Variants in NYAP2 observed in about 807,000 individuals in gnomAD.
NYAP2 encodes neuronal tyrosine-phosphorylated phosphoinositide-3-kinase adapter 2.
Under a neutral mutation model 50.4 loss-of-function variants are expected in NYAP2, and 23 were observed. The ratio of observed to expected loss-of-function variants is 0.46; its 90% confidence interval spans 0.33 to 0.65. The LOEUF is 0.65. Among genes scored for constraint, NYAP2 ranks in the 30% least tolerant of loss-of-function variants. The pLI, the probability that NYAP2 is intolerant of heterozygous loss-of-function variation, is 0.02. For missense variants in NYAP2, 885 were observed against 861.0 expected, an observed-to-expected ratio of 1.03 and a Z score of -0.35; for synonymous variants, 394 against 365.2, an observed-to-expected ratio of 1.08 and a Z score of -0.90.
intron 3 of NYAP2, among the ~76,000 whole-genome samples, chr2:225,500,818 A>T (rs1690591583): frequency 6.6e-6 from 1 of 152,170 alleles, no homozygotes. Flanking sequence ...GGTTTCAAGA[A>T]AACTCATTTT....
intron 6 of NYAP2, among the ~76,000 whole-genome samples, chr2:225,644,920 G>T (rs1298414106): frequency 1.3e-5 from 2 of 152,132 alleles, no homozygotes; most frequent in Non-Finnish European, 2.9e-5. Context: ...ACTTGGTGAT[G>T]CAGGCTCTTT....
intron 5 of NYAP2, among the ~76,000 whole-genome samples, chr2:225,622,507 TTTCTTTCTTTC>T (rs1453035515): frequency 1.2e-3 from 31 of 26,426 alleles, no homozygotes; most frequent in Admixed American, 2.6e-3. Flanking sequence ...ATTTCTTTTC[TTTCTTTCTTTC>T]TTCTTTCTTT....
chr2:225,474,356 G>T (rs1690064920), intron 3 of NYAP2, among the ~76,000 whole-genome samples: 1 of 152,142 alleles, frequency 6.6e-6, no homozygotes, highest in Admixed American at 6.5e-5. Context: ...GAAAGTCATT[G>T]GTAGCTTGAT....
chr2:225,585,309 A>G (rs1287509117), intron 5 of NYAP2, among the ~76,000 whole-genome samples: 3 of 152,212 alleles, frequency 2.0e-5, no homozygotes, highest in South Asian at 2.1e-4. Context: ...CTCCCTACCT[A>G]TCAGCTTCTT....
chr2:225,617,757 T>C (rs192751568), intron 5 of NYAP2, among the ~76,000 whole-genome samples: 1 of 152,334 alleles, frequency 6.6e-6, no homozygotes, highest in Admixed American at 6.5e-5. Context: ...GTTCTCCAGT[T>C]ATTGAGGGCT....
chr2:225,506,277 A>G (rs1690703334), intron 3 of NYAP2, among the ~76,000 whole-genome samples: 1 of 152,180 alleles, frequency 6.6e-6, no homozygotes, highest in Admixed American at 6.5e-5. Context: ...GCCTGCTTTC[A>G]TGAATCTGGG....
At chr2:225,451,185 A>C (rs765088104) in intron 3 of NYAP2, among the ~76,000 whole-genome samples, 1 of 152,184 alleles carries the variant, frequency 6.6e-6, no homozygotes, top group Non-Finnish European at 1.5e-5. Flanking sequence ...CAAAATGAGG[A>C]AAACTTGGAG....
intron 3 of NYAP2, among the ~76,000 whole-genome samples, chr2:225,418,918 C>T (rs1331838753): frequency 1.3e-5 from 2 of 152,056 alleles, no homozygotes; most frequent in Non-Finnish European, 2.9e-5. Flanking sequence ...GATCTATTCT[C>T]CTAACAAATT....
chr2:225,676,707 G>T, the NYAP2 span, among the ~76,000 whole-genome samples: 2 of 152,144 alleles, frequency 1.3e-5, no homozygotes, highest in African/African-American at 4.8e-5. Flanking sequence ...TCTCCCACCA[G>T]ATCCCTCTCA....
chr2:225,494,017 T>C (rs989741696), intron 3 of NYAP2, among the ~76,000 whole-genome samples: 2 of 152,210 alleles, frequency 1.3e-5, no homozygotes, highest in African/African-American at 4.8e-5. Context: ...ATTACCTCTT[T>C]TATCTTGCCT....
chr2:225,671,354 G>A, the NYAP2 span, among the ~76,000 whole-genome samples: 2 of 151,804 alleles, frequency 1.3e-5, no homozygotes, highest in Non-Finnish European at 2.9e-5. Context: ...CTTTACCAGG[G>A]GTGCATTTCA....
intron 3 of NYAP2, among the ~76,000 whole-genome samples, chr2:225,411,861 G>T (rs951289184): frequency 6.6e-6 from 1 of 151,696 alleles, no homozygotes; most frequent in African/African-American, 2.4e-5. Context: ...TCACTGAAGG[G>T]CTGGGAACAA....
At chr2:225,501,270 A>G (rs1043404926) in intron 3 of NYAP2, among the ~76,000 whole-genome samples, 1 of 152,224 alleles carries the variant, frequency 6.6e-6, no homozygotes, top group South Asian at 2.1e-4. Flanking sequence ...TCTCCAGATC[A>G]TAAGTGTATG....
intron 2 of NYAP2, among the ~76,000 whole-genome samples, chr2:225,401,835 AT>A (rs750207909): frequency 4.0e-5 from 6 of 151,592 alleles, no homozygotes; most frequent in South Asian, 4.2e-4. Flanking sequence ...ATAGAATTGG[AT>A]TTTTTTTTCT....
intron 6 of NYAP2, among the ~76,000 whole-genome samples, chr2:225,629,125 C>G (rs965093553): frequency 1.3e-5 from 2 of 152,150 alleles, no homozygotes; most frequent in African/African-American, 2.4e-5. Flanking sequence ...GAGTTCTAGT[C>G]CAAGCTCAAA....
At chr2:225,433,867 T>A (rs1001780384) in intron 3 of NYAP2, among the ~76,000 whole-genome samples, 7 of 144,472 alleles carry the variant, frequency 4.8e-5, no homozygotes, top group African/African-American at 1.8e-4. Context: ...GCAGTTGAAG[T>A]GATAAAACAT....
chr2:225,521,723 G>A (rs1178440026), intron 4 of NYAP2, among the ~76,000 whole-genome samples: 1 of 151,890 alleles, frequency 6.6e-6, no homozygotes. Context: ...AAGGATATTG[G>A]TCTAAAATTC....
chr2:225,549,492 G>A (rs749336947), intron 4 of NYAP2, among the ~76,000 whole-genome samples: 1 of 152,106 alleles, frequency 6.6e-6, no homozygotes, highest in Non-Finnish European at 1.5e-5. Flanking sequence ...ATTGCTGATG[G>A]GAAAGATCAG....
chr2:225,583,780 C>T (rs1692341846), intron 5 of NYAP2, among the ~76,000 whole-genome samples: 1 of 152,194 alleles, frequency 6.6e-6, no homozygotes, highest in Non-Finnish European at 1.5e-5. Flanking sequence ...GTGGCTCGCG[C>T]CTGTAATCCC....
Sources: gnomAD v4.1 joint callset for allele counts (sites outside exome capture counted in the v4.1 genomes callset) on GRCh38, gnomAD v4.1.1 for gene constraint, MANE v1.5 for transcripts, NCBI Gene and HGNC (gene_info 2026-07-23, HGNC 2026-07-21) for gene names.